Variants in TEAD1 observed in about 807,000 individuals in gnomAD.
The protein encoded by TEAD1 is TEA domain transcription factor 1.
A neutral mutation model predicts 54.9 loss-of-function variants in TEAD1; 9 were observed. The observed-to-expected ratio is 0.16, with a 90% CI of 0.10 to 0.29. TEAD1 has a LOEUF of 0.29. Ranked by LOEUF, TEAD1 falls within the 10% of genes least tolerant of loss-of-function variation. TEAD1 has a pLI of 1.00. For synonymous variants in TEAD1, 200 were observed against 187.8 expected (o/e 1.07, Z -0.53); for missense variants, 387 against 535.9 (o/e 0.72, Z 2.74).
At chr11:12,821,292 T>A (rs1338510448) in intron 3 of TEAD1, among the ~76,000 whole-genome samples, 1 of 152,122 alleles carries the variant, frequency 6.6e-6, no homozygotes, top group African/African-American at 2.4e-5. Context: ...AAGTTCAGAG[T>A]TTTGAATTCT....
chr11:12,846,125 T>C (rs1488347981), intron 3 of TEAD1, among the ~76,000 whole-genome samples: 1 of 152,246 alleles, frequency 6.6e-6, no homozygotes, highest in Admixed American at 6.5e-5. Flanking sequence ...GCAGGCATGC[T>C]GGGCGAAGGT....
At chr11:12,810,607 G>A (rs749153293) in intron 3 of TEAD1, among the ~76,000 whole-genome samples, 13 of 152,146 alleles carry the variant, frequency 8.5e-5, no homozygotes, top group Non-Finnish European at 1.5e-4. Flanking sequence ...TGACTTGAAG[G>A]TTCTGGTCTT....
intron 2 of TEAD1, among the ~76,000 whole-genome samples, chr11:12,730,733 C>G (rs1944408948): frequency 8.5e-6 from 1 of 117,876 alleles, no homozygotes; most frequent in Non-Finnish European, 1.6e-5. Flanking sequence ...TAGAGTCTTG[C>G]CCTGTTGCAC....
At chr11:12,890,125 G>A (rs182322614) in intron 9 of TEAD1, among the ~76,000 whole-genome samples, 650 of 152,262 alleles carry the variant, frequency 4.3e-3, no homozygotes, top group Non-Finnish European at 7.6e-3. Context: ...TAAAGGAACC[G>A]TGGCTCAGAA....
At chr11:12,893,243 T>G (rs1486018613) in intron 9 of TEAD1, among the ~76,000 whole-genome samples, 1 of 152,184 alleles carries the variant, frequency 6.6e-6, no homozygotes, top group Non-Finnish European at 1.5e-5. Flanking sequence ...CAGGTTTTTC[T>G]CATGTTTTTC....
intron 11 of TEAD1, among the ~76,000 whole-genome samples, chr11:12,928,726 TTTAA>T (rs1323258215): frequency 3.3e-5 from 5 of 151,662 alleles, no homozygotes; most frequent in African/African-American, 9.7e-5. Context: ...AGCATGTACT[TTTAA>T]TTAATTATTT....
intron 10 of TEAD1, among the ~76,000 whole-genome samples, chr11:12,916,588 G>A (rs1328539886): frequency 2.0e-5 from 3 of 152,120 alleles, no homozygotes; most frequent in African/African-American, 4.8e-5. Context: ...TATTACCACC[G>A]TGGCCTTTGG....
At chr11:12,685,065 C>T (rs888750164) in intron 2 of TEAD1, among the ~76,000 whole-genome samples, 1 of 152,182 alleles carries the variant, frequency 6.6e-6, no homozygotes, top group East Asian at 1.9e-4. Flanking sequence ...GTCAATGTCC[C>T]TGTGTTTTTA....
At chr11:12,920,828 T>G (rs1235856693) in intron 10 of TEAD1, among the ~76,000 whole-genome samples, 2 of 152,204 alleles carry the variant, frequency 1.3e-5, no homozygotes, top group African/African-American at 4.8e-5. Context: ...TATTGCAGCA[T>G]CATTGGGAAG....
At chr11:12,898,315 T>C (rs900448400) in intron 9 of TEAD1, among the ~76,000 whole-genome samples, 1 of 152,208 alleles carries the variant, frequency 6.6e-6, no homozygotes, top group Non-Finnish European at 1.5e-5. Context: ...GTTATTTTGC[T>C]TCTACCTCAG....
chr11:12,911,322 C>T (rs1309107569), intron 10 of TEAD1, among the ~76,000 whole-genome samples: 2 of 152,154 alleles, frequency 1.3e-5, no homozygotes, highest in African/African-American at 2.4e-5. Flanking sequence ...CCATTGGAGT[C>T]TCAGCTTGTT....
At chr11:12,686,787 G>A (rs544786384) in intron 2 of TEAD1, among the ~76,000 whole-genome samples, 1 of 152,272 alleles carries the variant, frequency 6.6e-6, no homozygotes, top group African/African-American at 2.4e-5. Flanking sequence ...TTAGAACTTT[G>A]CCTAAAACCA....
intron 2 of TEAD1, among the ~76,000 whole-genome samples, chr11:12,687,562 A>C (rs1012118961): frequency 1.3e-5 from 2 of 152,204 alleles, no homozygotes; most frequent in Non-Finnish European, 2.9e-5. Flanking sequence ...CAAGTCACCT[A>C]TCCGGTTTTC....
At chr11:12,804,462 T>C (rs1946127007) in intron 3 of TEAD1, among the ~76,000 whole-genome samples, 1 of 152,252 alleles carries the variant, frequency 6.6e-6, no homozygotes, top group Admixed American at 6.5e-5. Context: ...TAATTTTATC[T>C]ACTGTGTTGA....
chr11:12,825,769 A>C (rs1453848169), intron 3 of TEAD1, among the ~76,000 whole-genome samples: 1 of 152,248 alleles, frequency 6.6e-6, no homozygotes, highest in East Asian at 1.9e-4. Context: ...CTACAAAGCT[A>C]TACTATTCAA....
In TEAD1 at chr11:12,916,588, G is replaced by T. The variant is rs1328539886; in HGVS notation, c.874-8324G>T. Among the ~76,000 whole-genome samples, 4 of 152,120 alleles carry T rather than the reference G, an allele frequency of 2.6e-5. No homozygotes were observed. The East Asian group carries it at 7.7e-4, about 29-fold the overall frequency. On this transcript the variant is annotated intron_variant, in intron 10 of 12. Transcript: ENST00000527636. ...TGCATTATCTCCTCATATTACCACCGTGGCCTTTGGAAACACATCATCTTC... is the reference window on the plus strand; with the variant it reads ...TGCATTATCTCCTCATATTACCACCTTGGCCTTTGGAAACACATCATCTTC...
chr11:12,712,173 T>A (rs1943952623), intron 2 of TEAD1, among the ~76,000 whole-genome samples: 1 of 152,216 alleles, frequency 6.6e-6, no homozygotes, highest in African/African-American at 2.4e-5. Context: ...AATATCTCCC[T>A]CTTCTCTGTC....
At chr11:12,707,989 G>A (rs1223476649) in intron 2 of TEAD1, among the ~76,000 whole-genome samples, 1 of 152,164 alleles carries the variant, frequency 6.6e-6, no homozygotes, top group Non-Finnish European at 1.5e-5. Flanking sequence ...TGGTGGCAGT[G>A]GTTTTTATTT....
At chr11:12,922,155 C>G (rs907781774) in intron 10 of TEAD1, among the ~76,000 whole-genome samples, 1 of 150,786 alleles carries the variant, frequency 6.6e-6, no homozygotes, top group East Asian at 1.9e-4. Context: ...TTTCTTGGCA[C>G]ATAAGGTGAA....
Sources: gnomAD v4.1 joint callset for allele counts (sites outside exome capture counted in the v4.1 genomes callset) on GRCh38, gnomAD v4.1.1 for gene constraint, MANE v1.5 for transcripts, NCBI Gene and HGNC (gene_info 2026-07-23, HGNC 2026-07-21) for gene names.